FTO: variants seen among roughly 807,000 people sequenced by gnomAD.
FTO encodes FTO alpha-ketoglutarate dependent dioxygenase, also known as alpha-ketoglutarate-dependent dioxygenase FTO.
A neutral mutation model predicts 63.9 loss-of-function variants in FTO; 47 were observed. The observed-to-expected ratio is 0.74, with a 90% CI of 0.58 to 0.94. The LOEUF is 0.94. Ranked by LOEUF, FTO falls within the 40% of genes least tolerant of loss-of-function variation. FTO has a pLI of 0.00. For synonymous variants in FTO, 207 were observed against 224.4 expected (o/e 0.92, Z 0.69); for missense variants, 562 against 618.1 (o/e 0.91, Z 0.96).
At chr16:53,839,806 TA>T (rs1567347089) in intron 3 of FTO, among the ~76,000 whole-genome samples, 8,305 of 111,138 alleles carry the variant, frequency 0.075, 460 homozygotes, top group East Asian at 0.26. Context: ...TTTATTTATT[TA>T]TTTATTTATT....
intron 8 of FTO, among the ~76,000 whole-genome samples, chr16:54,061,491 G>C (rs569132798): frequency 1.3e-5 from 2 of 151,930 alleles, no homozygotes; most frequent in African/African-American, 2.4e-5. Flanking sequence ...TTTTAGGTTT[G>C]TTTTTCCAGT....
intron 1 of FTO, among the ~76,000 whole-genome samples, chr16:53,786,916 C>T (rs1033384293): frequency 4.0e-5 from 6 of 151,544 alleles, no homozygotes; most frequent in African/African-American, 1.5e-4. Context: ...TCGAAACTAT[C>T]CTGGCTAACA....
intron 1 of FTO, among the ~76,000 whole-genome samples, chr16:53,737,593 T>G (rs894015184): frequency 6.6e-6 from 1 of 152,234 alleles, no homozygotes; most frequent in African/African-American, 2.4e-5. Context: ...GGTCCGTTGT[T>G]GTCTGAAATA....
At chr16:53,980,529 T>C (rs2083518823) in intron 8 of FTO, among the ~76,000 whole-genome samples, 1 of 152,178 alleles carries the variant, frequency 6.6e-6, no homozygotes, top group Non-Finnish European at 1.5e-5. Context: ...CTTTTTCTAA[T>C]TTGCCCAGAG....
At chr16:53,832,660 A>G (rs779641604) in intron 3 of FTO, among the ~76,000 whole-genome samples, 92 of 152,212 alleles carry the variant, frequency 6.0e-4, no homozygotes, top group Admixed American at 1.3e-3. Flanking sequence ...TTAACTTAGC[A>G]TAGTTATTTT....
chr16:53,948,227 A>G (rs937297620), intron 8 of FTO, among the ~76,000 whole-genome samples: 7 of 152,212 alleles, frequency 4.6e-5, no homozygotes, highest in East Asian at 1.9e-4. Flanking sequence ...TGAAGGACAC[A>G]TGGAATAGTG....
At chr16:54,104,459 T>C (rs2086704621) in intron 8 of FTO, among the ~76,000 whole-genome samples, 2 of 151,956 alleles carry the variant, frequency 1.3e-5, no homozygotes, top group Admixed American at 6.6e-5. Flanking sequence ...ATTATAGGCG[T>C]GCACCACCAC....
intron 1 of FTO, among the ~76,000 whole-genome samples, chr16:53,766,583 G>A (rs2077208326): frequency 6.6e-6 from 1 of 152,108 alleles, no homozygotes; most frequent in Non-Finnish European, 1.5e-5. Context: ...CAGGTCTGGG[G>A]TGAATCAGGT....
chr16:53,802,381 T>C (rs948967862), intron 1 of FTO, among the ~76,000 whole-genome samples: 1 of 152,202 alleles, frequency 6.6e-6, no homozygotes, highest in African/African-American at 2.4e-5. Context: ...ATTTTTTTTT[T>C]CAGCAATATT....
chr16:53,775,172 C>T (rs1451093688), intron 1 of FTO, among the ~76,000 whole-genome samples: 1 of 152,092 alleles, frequency 6.6e-6, no homozygotes, highest in Non-Finnish European at 1.5e-5. Flanking sequence ...CTACCTCTTC[C>T]CCCAGCATGT....
intron 7 of FTO, among the ~76,000 whole-genome samples, chr16:53,916,144 A>T (rs2151948435): frequency 6.6e-6 from 1 of 152,328 alleles, no homozygotes; most frequent in Middle Eastern, 3.4e-3. Context: ...AAATGGATTC[A>T]TAATTGAAGT....
intron 1 of FTO, among the ~76,000 whole-genome samples, chr16:53,750,362 T>C (rs749408427): frequency 1.6e-4 from 25 of 151,874 alleles, no homozygotes; most frequent in Non-Finnish European, 3.4e-4. Context: ...CTCAGCCTCC[T>C]GAGTAACTGG....
intron 3 of FTO, among the ~76,000 whole-genome samples, chr16:53,831,819 G>A (rs1159094838): frequency 1.3e-5 from 2 of 152,154 alleles, no homozygotes; most frequent in East Asian, 1.9e-4. Context: ...TGATTGGGAT[G>A]TTTCAGAAGC....
At chr16:53,848,451 T>C (rs1467572226) in intron 4 of FTO, among the ~76,000 whole-genome samples, 1 of 152,204 alleles carries the variant, frequency 6.6e-6, no homozygotes, top group Non-Finnish European at 1.5e-5. Context: ...TGGCAGTGCC[T>C]GAGGACATGC....
At chr16:53,904,784 G>A (rs1195059402) in intron 7 of FTO, among the ~76,000 whole-genome samples, 3 of 152,060 alleles carry the variant, frequency 2.0e-5, no homozygotes, top group Non-Finnish European at 4.4e-5. Context: ...GATATGATGA[G>A]CCTCCTTGGC....
intron 8 of FTO, among the ~76,000 whole-genome samples, chr16:53,996,374 TG>T (rs1275896557): frequency 1.3e-5 from 2 of 152,218 alleles, no homozygotes; most frequent in African/African-American, 4.8e-5. Flanking sequence ...AGAAATTTGG[TG>T]GCTGGCCTCT....
rs150107083 is a variant in FTO, at chr16:54,016,359, C to T, written c.1364+82250C>T. On this transcript the variant is annotated intron_variant, in intron 8 of 8. Coordinates refer to ENST00000471389, the MANE Select transcript of FTO (RefSeq NM_001080432.3). ...TGGACCGAGCAACAGTCACTTGTAACAATGGGCAGCTGCCCATTTTAGATG... is the reference window on the plus strand; with the variant it reads ...TGGACCGAGCAACAGTCACTTGTAATAATGGGCAGCTGCCCATTTTAGATG... Among the ~76,000 whole-genome samples, 62 of 150,856 alleles carry T rather than the reference C, an allele frequency of 4.1e-4. 1 individual carries two copies. The East Asian group carries it at 0.011, about 26-fold the overall frequency.
rs558186000 is a variant in FTO at position 53,732,015 on chromosome 16, C to T, written c.45+27786C>T. The stretch of plus-strand genomic sequence containing the variant: ...TGCTGGGATTACAGGCGTGAGCCAC[C>T]GCGCCCCAGCCCTCATTGTGGCCTT... On this transcript the variant is annotated intron_variant, in intron 1 of 8. Transcript: ENST00000471389. Among the ~76,000 whole-genome samples, 31 of 150,606 alleles carry T rather than the reference C, an allele frequency of 2.1e-4. No individual in the cohort carries two copies. The South Asian group carries it at 3.4e-3, about 16-fold the overall frequency.
intron 1 of FTO, among the ~76,000 whole-genome samples, chr16:53,786,546 A>T (rs997151045): frequency 1.3e-5 from 2 of 152,228 alleles, no homozygotes; most frequent in African/African-American, 4.8e-5. Flanking sequence ...AAAAATAAAC[A>T]CTAACATCAG....
Sources: gnomAD v4.1 joint callset for allele counts (sites outside exome capture counted in the v4.1 genomes callset) on GRCh38, gnomAD v4.1.1 for gene constraint, MANE v1.5 for transcripts, NCBI Gene and HGNC (gene_info 2026-07-23, HGNC 2026-07-21) for gene names.